PARS2: variants seen among roughly 807,000 people sequenced by gnomAD.
PARS2 encodes prolyl-tRNA synthetase 2, mitochondrial.
PARS2 carries 20 observed loss-of-function variants against 27.4 expected under a neutral mutation model. The ratio of observed to expected loss-of-function variants is 0.73; its 90% CI spans 0.51 to 1.06. The LOEUF (loss-of-function observed/expected upper bound fraction) is 1.06. Among genes scored for constraint, PARS2 ranks in the 50% least tolerant of loss-of-function variants. The pLI, the probability that PARS2 is intolerant of heterozygous loss-of-function variation, is 0.00. For synonymous variants in PARS2, 240 were observed against 247.1 expected, an observed-to-expected ratio of 0.97 and a Z score of 0.27; for missense variants, 585 against 602.1, an observed-to-expected ratio of 0.97 and a Z score of 0.30.
Position 54,756,904 on chromosome 1 carries a change from T to C in PARS2, c.*830A>G, listed in dbSNP as rs1218860009. ...AATTAATGTGCAAGGCCCATTCCAATAGTTTGACTTTATTAAATCAATAGA... is the reference window on the plus strand; with the variant it reads ...AATTAATGTGCAAGGCCCATTCCAACAGTTTGACTTTATTAAATCAATAGA... On this transcript the variant is annotated 3_prime_UTR_variant, in exon 2 of 2. Coordinates refer to ENST00000371279, the MANE Select transcript of PARS2 (RefSeq NM_152268.4). 6.6e-6 allele frequency: 1 copy of C among 152,208 alleles called. No individual in the cohort carries two copies. The highest frequency in any genetic ancestry group is 2.4e-5 in the African/African-American group (1 of 41,470). 9.4% of individuals were successfully genotyped at this position (152,208 alleles called of 1,614,324 possible). A position where few individuals can be genotyped will look rare whatever the true frequency, so the allele number is the denominator to read the frequency against.
At chr1:54,763,463 A>C (rs1646168173) in intron 1 of PARS2, among the ~76,000 whole-genome samples, 1 of 152,186 alleles carries the variant, frequency 6.6e-6, no homozygotes, top group Admixed American at 6.5e-5. Flanking sequence ...AATGCCTACT[A>C]TTTAGGCTAT....
Position 54,757,976 on chromosome 1 carries a change from G to A in PARS2, c.1186C>T (p.His396Tyr). The A allele has an allele frequency of 6.2e-7, 1 of 1,614,138 alleles. No homozygotes were observed. The highest frequency in any genetic ancestry group is 8.5e-7 in the Non-Finnish European group (1 of 1,179,996). ...ASELIGQLYD[H>Y]ITEAVPQLHG... ...AGCTGAGGCACTGCCTCTGTGATGTGGTCGTACAGCTGCCCTATGAGCTCG... is the reference window on the plus strand; with the variant it reads ...AGCTGAGGCACTGCCTCTGTGATGTAGTCGTACAGCTGCCCTATGAGCTCG... Residue 396 changes from histidine (H) to tyrosine (Y), a missense_variant, in exon 2 of 2, where the codon CAC becomes TAC. Physicochemically the swap from His to Tyr is moderately conservative, Grantham distance 83. Transcript: ENST00000371279.
At chr1:54,761,237 C>T (rs913272947) in intron 1 of PARS2, among the ~76,000 whole-genome samples, 1 of 152,166 alleles carries the variant, frequency 6.6e-6, no homozygotes, top group Admixed American at 6.5e-5. Flanking sequence ...TGGCTTTTCC[C>T]GCATAGCCCA....
At chr1:54,761,758 C>T (rs1646158428) in intron 1 of PARS2, among the ~76,000 whole-genome samples, 1 of 152,108 alleles carries the variant, frequency 6.6e-6, no homozygotes, top group South Asian at 2.1e-4. Context: ...CCAGCTTGTC[C>T]CCTCCAACCT....
Position 54,758,217 on chromosome 1 carries a change from G to T in PARS2, c.945C>A (p.Thr315=). 6.2e-7 allele frequency: 1 copy of T among 1,614,180 alleles called. No individual in the cohort carries two copies. Among genetic ancestry groups the T allele is most frequent in the Non-Finnish European group, 8.5e-7 (1 of 1,180,016 alleles). Residue 315 remains threonine (T), a synonymous_variant, in exon 2 of 2, where the codon ACC becomes ACA. Coordinates refer to ENST00000371279, the MANE Select transcript of PARS2 (RefSeq NM_152268.4). The stretch of plus-strand genomic sequence containing the variant: ...GGGCATTGAAAATGGATGAGTACTT[G>T]GTACCCAGGTAAAATGTGTGCCCCA... The part of the protein sequence containing the change: ...IEVGHTFYLG[T]KYSSIFNAQF...
chr1:54,760,923 C>A (rs1405760601), intron 1 of PARS2, among the ~76,000 whole-genome samples: 2 of 152,162 alleles, frequency 1.3e-5, no homozygotes, highest in African/African-American at 4.8e-5. Flanking sequence ...GGACTACAGG[C>A]ACCCGCCACC....
Position 54,758,348 on chromosome 1 carries a change from T to G in PARS2, c.814A>C (p.Ile272Leu). The G allele has an allele frequency of 6.2e-7, 1 of 1,614,172 alleles. No individual in the cohort carries two copies. Among genetic ancestry groups the G allele is most frequent in the Non-Finnish European group, 8.5e-7 (1 of 1,180,026 alleles). Residue 272 changes from isoleucine to leucine, a missense_variant, in exon 2 of 2, where the codon ATC becomes CTC. Physicochemically the swap from Ile to Leu is conservative, Grantham distance 5. Transcript: ENST00000371279. ...GCTGAGAAGCTGCAGCGGGGACAGA[T>G]GGCAAGCCGGTCCTCTCCAATATCC... Reference protein sequence around the residue: ...PVDIGEDRLAICPRCSFSANM... With the variant: ...PVDIGEDRLALCPRCSFSANM...
rs1646133318 is a variant in PARS2, at chr1:54,758,248, A to G, written c.914T>C (p.Ile305Thr). 5.6e-6 allele frequency: 9 copies of G among 1,614,174 alleles called. No individual in the cohort carries two copies. The highest frequency in any genetic ancestry group is 6.8e-6 in the Non-Finnish European group (8 of 1,180,020). ...CAGGTAAAATGTGTGCCCCACCTCA[A>G]TGCCTTTGGTTTTAGTCAATGGGCC... ...CQGPLTKTKGIEVGHTFYLGT... is the reference protein window; with the variant it reads ...CQGPLTKTKGTEVGHTFYLGT... Residue 305 changes from isoleucine to threonine, a missense_variant, in exon 2 of 2, where the codon ATT (isoleucine) becomes ACT (threonine). Transcript: ENST00000371279.
intron 1 of PARS2, among the ~76,000 whole-genome samples, chr1:54,762,906 A>G (rs922592341): frequency 6.6e-6 from 1 of 152,086 alleles, no homozygotes; most frequent in Non-Finnish European, 1.5e-5. Flanking sequence ...TAATTCTTGA[A>G]CCCTGTCAGT....
intron 1 of PARS2, among the ~76,000 whole-genome samples, chr1:54,759,839 C>T (rs1244699487): frequency 1.3e-5 from 2 of 151,884 alleles, no homozygotes; most frequent in Non-Finnish European, 2.9e-5. Context: ...AACCCTGTCT[C>T]TACTAAAAAC....
At chr1:54,762,341 G>A (rs2101413089) in intron 1 of PARS2, among the ~76,000 whole-genome samples, 1 of 152,246 alleles carries the variant, frequency 6.6e-6, no homozygotes. Context: ...GTTTCACCAT[G>A]TTGGCCAGGC....
rs769321964 is a variant in PARS2, at chr1:54,758,189, A to C, written c.973T>G (p.Phe325Val). The C allele has an allele frequency of 1.2e-6, 2 of 1,614,062 alleles. No homozygotes were observed. Among genetic ancestry groups the C allele is most frequent in the East Asian group, 4.5e-5 (2 of 44,896 alleles). Residue 325 changes from phenylalanine (F) to valine (V), a missense_variant, in exon 2 of 2, where the codon TTT becomes GTT. Transcript: ENST00000371279. ...GTTGGTTTGCCACAGACATTGGTAA[A>C]CTGGGCATTGAAAATGGATGAGTAC... is the stretch of plus-strand genomic sequence containing the variant. ...TKYSSIFNAQ[F>V]TNVCGKPTLA...
At chr1:54,759,398 T>A (rs1267968033) in intron 1 of PARS2, among the ~76,000 whole-genome samples, 1 of 152,198 alleles carries the variant, frequency 6.6e-6, no homozygotes, top group African/African-American at 2.4e-5. Context: ...TTCCTGATTA[T>A]AAAAACATTA....
At position 54,758,974 on chromosome 1, in the gene PARS2, G is replaced by C; in HGVS notation, c.188C>G (p.Ser63Cys). 2 of 1,614,200 alleles carry C rather than the reference G, an allele frequency of 1.2e-6. No individual in the cohort carries two copies. Among genetic ancestry groups the C allele is most frequent in the Non-Finnish European group, 1.7e-6 (2 of 1,180,018 alleles). ...CTGGCTCTTACAGGTCAGGTCATCA[G>C]ATTTGTCCTGCAGGGAGAGCACCCG... ...EDRVLSLQDK[S>C]DDLTCKSQRL... is the part of the protein sequence containing the mutation. Residue 63 changes from serine (S) to cysteine (C), a missense_variant, in exon 2 of 2, where the codon TCT becomes TGT. Transcript: ENST00000371279.
chr1:54,757,926 G>A lies in PARS2; in HGVS notation c.1236C>T (p.Asp412=). ...TGTTTCCGATGGTCAGATGGGTCCT[G>A]TCGTCCAGGAGCACCTCCCCGTGAA... ...PQLHGEVLLD[D]RTHLTIGNRL... Residue 412 remains aspartate, a synonymous_variant, in exon 2 of 2, where the codon GAC becomes GAT. Coordinates refer to ENST00000371279, the MANE Select transcript of PARS2 (RefSeq NM_152268.4). 6.2e-7 allele frequency: 1 copy of A among 1,614,176 alleles called. No homozygotes were observed. The highest frequency in any genetic ancestry group is 8.5e-7 in the Non-Finnish European group (1 of 1,180,028).
intron 1 of PARS2, among the ~76,000 whole-genome samples, chr1:54,760,955 T>C (rs1646152735): frequency 6.6e-6 from 1 of 152,192 alleles, no homozygotes. Flanking sequence ...TTTTTTTGTA[T>C]CTTTAGTAGA....
chr1:54,758,615 G>A lies in PARS2; in HGVS notation c.547C>T (p.Gln183Ter). 2 of 1,614,210 alleles carry A rather than the reference G, an allele frequency of 1.2e-6. No individual in the cohort carries two copies. The change falls in exon 2 of 2, where the codon CAA (glutamine) becomes TAA (stop). Residue 183 changes from glutamine (Q) to a stop codon, truncating the protein, a stop_gained. Coordinates refer to ENST00000371279, the MANE Select transcript of PARS2 (RefSeq NM_152268.4). LOFTEE classifies it high-confidence loss of function. ...TCATCCCGAAACTTCCTTGTCACTT[G>A]GTACAGCAGGAAGGGAAGCTGCTTG... is the stretch of plus-strand genomic sequence containing the variant. Reference protein sequence around the residue: ...SYKQLPFLLYQVTRKFRDEPR... With the variant: ...SYKQLPFLLY
In PARS2 at chr1:54,758,969, C is replaced by T; in HGVS notation, c.193G>A (p.Asp65Asn). Residue 65 changes from aspartate to asparagine, a missense_variant, in exon 2 of 2, where the codon GAC becomes AAC. Coordinates refer to ENST00000371279, the MANE Select transcript of PARS2 (RefSeq NM_152268.4). ...RVLSLQDKSDDLTCKSQRLML... is the reference protein window; with the variant it reads ...RVLSLQDKSDNLTCKSQRLML... ...AGCCGCTGGCTCTTACAGGTCAGGTCATCAGATTTGTCCTGCAGGGAGAGC... is the reference window on the plus strand; with the variant it reads ...AGCCGCTGGCTCTTACAGGTCAGGTTATCAGATTTGTCCTGCAGGGAGAGC... 6.2e-7 allele frequency: 1 copy of T among 1,614,120 alleles called. No individual in the cohort carries two copies. The highest frequency in any genetic ancestry group is 8.5e-7 in the Non-Finnish European group (1 of 1,179,990).
At position 54,758,515 on chromosome 1, in the gene PARS2, G is replaced by C. The variant is rs1646135304; in HGVS notation, c.647C>G (p.Pro216Arg). The C allele has an allele frequency of 6.2e-7, 1 of 1,614,144 alleles. No individual in the cohort carries two copies. Among genetic ancestry groups the C allele is most frequent in the South Asian group, 1.1e-5 (1 of 91,084 alleles). The change falls in exon 2 of 2, where the codon CCA (proline) becomes CGA (arginine). Residue 216 changes from proline to arginine, a missense_variant. Transcript: ENST00000371279. The stretch of plus-strand genomic sequence containing the variant: ...GCTGTAGGTCTGCTGGGCAGCCTCT[G>C]GGGAGGAGTCAAAGGTGTACATATC... ...MKDMYTFDSSPEAAQQTYSLV... is the reference protein window; with the variant it reads ...MKDMYTFDSSREAAQQTYSLV...
Sources: gnomAD v4.1 joint callset for allele counts (sites outside exome capture counted in the v4.1 genomes callset) on GRCh38, gnomAD v4.1.1 for gene constraint, MANE v1.5 for transcripts, NCBI Gene and HGNC (gene_info 2026-07-23, HGNC 2026-07-21) for gene names.